TOM1L2: variants seen among roughly 807,000 people sequenced by gnomAD.
The protein encoded by TOM1L2 is TOM1-like protein 2.
A neutral mutation model predicts 67.9 loss-of-function variants in TOM1L2; 31 were observed. The observed-to-expected ratio is 0.46, with a 90% CI of 0.34 to 0.62. The LOEUF (loss-of-function observed/expected upper bound fraction) is 0.62, where lower values mean the gene tolerates loss of function less well. Among genes scored for constraint, TOM1L2 ranks in the 20% least tolerant of loss-of-function variants. The probability of loss-of-function intolerance (pLI) is 0.01; values close to 1 mark genes in which losing one functional copy is unlikely to be tolerated. For missense variants in TOM1L2, 606 were observed against 663.5 expected (o/e 0.91, Z 0.95); for synonymous variants, 256 against 254.0 (o/e 1.01, Z -0.07).
At chr17:17,860,563 A>G (rs2036501066) in intron 12 of TOM1L2, among the ~76,000 whole-genome samples, 2 of 152,220 alleles carry the variant, frequency 1.3e-5, no homozygotes, top group South Asian at 2.1e-4. Context: ...ATTGGGACCC[A>G]GTAAGCAAAC....
intron 1 of TOM1L2, among the ~76,000 whole-genome samples, chr17:17,910,585 T>C (rs1057165608): frequency 2.0e-5 from 3 of 152,124 alleles, no homozygotes; most frequent in African/African-American, 4.8e-5. Context: ...ATTATTTTTA[T>C]GTGAGACAGA....
intron 1 of TOM1L2, among the ~76,000 whole-genome samples, chr17:17,954,048 T>C (rs574207754): frequency 6.6e-6 from 1 of 152,206 alleles, no homozygotes; most frequent in African/African-American, 2.4e-5. Context: ...ATTAAATACA[T>C]ATAAGTTATA....
rs1032417435 is a variant in TOM1L2 at position 17,843,612 on chromosome 17, A to C, written c.*4023T>G. ...GCCAGTGGGGTGGATGGATGCTCTG[A>C]GCCTCGGGTGCACTGACCCACCCTC... On this transcript the variant is annotated 3_prime_UTR_variant, in exon 15 of 15. Coordinates refer to ENST00000379504, the MANE Select transcript of TOM1L2 (RefSeq NM_001082968.2). The C allele has an allele frequency of 6.6e-6, 1 of 152,322 alleles. No individual in the cohort carries two copies. Among genetic ancestry groups the C allele is most frequent in the Non-Finnish European group, 1.5e-5 (1 of 68,042 alleles). The allele number at this position is 152,322 out of a possible 1,614,324, so 9.4% of individuals were successfully genotyped here. A position where few individuals can be genotyped will look rare whatever the true frequency, so the allele number is the denominator to read the frequency against.
chr17:17,873,214 A>G (rs931206446), intron 7 of TOM1L2, among the ~76,000 whole-genome samples: 6 of 152,226 alleles, frequency 3.9e-5, no homozygotes, highest in Non-Finnish European at 8.8e-5. Context: ...ATTTTCAAAC[A>G]TACAGCAAAA....
At chr17:17,907,579 G>C (rs781401020) in intron 1 of TOM1L2, 48 bp from the exon 2 acceptor site, 3 of 1,572,824 alleles carry the variant, frequency 1.9e-6, no homozygotes, top group Non-Finnish European at 2.6e-6. Context: ...TGGAATAAGT[G>C]GGCCTTGGCA....
intron 3 of TOM1L2, among the ~76,000 whole-genome samples, chr17:17,897,726 A>G (rs2038642913): frequency 6.6e-6 from 1 of 152,174 alleles, no homozygotes; most frequent in African/African-American, 2.4e-5. Flanking sequence ...TTATGATGGC[A>G]ATCCACAGCT....
At chr17:17,963,004 G>A (rs991429016) in intron 1 of TOM1L2, among the ~76,000 whole-genome samples, 1 of 149,112 alleles carries the variant, frequency 6.7e-6, no homozygotes, top group African/African-American at 2.5e-5. Context: ...ATTTTATCAG[G>A]TTTTTTTTTT....
At chr17:17,887,923 C>T (rs1469324527) in intron 4 of TOM1L2, among the ~76,000 whole-genome samples, 1 of 152,286 alleles carries the variant, frequency 6.6e-6, no homozygotes, top group Middle Eastern at 3.4e-3. Flanking sequence ...GGAAAGATGG[C>T]CACTTAGGCT....
chr17:17,925,659 T>C (rs67253360), intron 1 of TOM1L2, among the ~76,000 whole-genome samples: 68,061 of 133,642 alleles, frequency 0.51, 17,412 homozygotes, highest in East Asian at 0.87. Flanking sequence ...CTGGCCAACA[T>C]AGCGACCTCA....
intron 1 of TOM1L2, among the ~76,000 whole-genome samples, chr17:17,910,203 C>G (rs912280182): frequency 6.6e-6 from 1 of 152,034 alleles, no homozygotes; most frequent in African/African-American, 2.4e-5. Flanking sequence ...TGACGGGAAA[C>G]CCGGGGCCCG....
chr17:17,960,620 G>A (rs956472896), intron 1 of TOM1L2, among the ~76,000 whole-genome samples: 1 of 152,200 alleles, frequency 6.6e-6, no homozygotes, highest in Non-Finnish European at 1.5e-5. Context: ...TTACAGGCAT[G>A]AGCCAGTGAG....
At chr17:17,930,764 T>C (rs571901296) in intron 1 of TOM1L2, among the ~76,000 whole-genome samples, 1 of 152,320 alleles carries the variant, frequency 6.6e-6, no homozygotes, top group Non-Finnish European at 1.5e-5. Flanking sequence ...AGAAATGTTT[T>C]ACCAAGAACC....
chr17:17,909,608 G>T (rs1288239383), intron 1 of TOM1L2, among the ~76,000 whole-genome samples: 1 of 147,298 alleles, frequency 6.8e-6, no homozygotes, highest in Admixed American at 6.8e-5. Flanking sequence ...GGGGGTGGGG[G>T]AATGGGGAGT....
chr17:17,954,201 A>C (rs1039936034), intron 1 of TOM1L2, among the ~76,000 whole-genome samples: 3 of 152,236 alleles, frequency 2.0e-5, no homozygotes, highest in African/African-American at 7.2e-5. Context: ...CTGAGCACAG[A>C]AAAGGAGGGA....
chr17:17,896,545 C>G (rs1330052813), intron 3 of TOM1L2, among the ~76,000 whole-genome samples: 1 of 152,176 alleles, frequency 6.6e-6, no homozygotes, highest in Admixed American at 6.5e-5. Flanking sequence ...ACAGAGCAGC[C>G]CCAAAGCCTA....
chr17:17,897,349 T>C (rs1264622489), intron 3 of TOM1L2, among the ~76,000 whole-genome samples: 4 of 152,236 alleles, frequency 2.6e-5, no homozygotes, highest in South Asian at 4.1e-4. Context: ...CCCAATTCCC[T>C]GGCAGAACTC....
intron 1 of TOM1L2, among the ~76,000 whole-genome samples, chr17:17,955,706 G>T (rs1167564108): frequency 6.6e-6 from 1 of 152,142 alleles, no homozygotes; most frequent in Non-Finnish European, 1.5e-5. Context: ...GTCCAGAATT[G>T]GTGGGTTCTT....
chr17:17,883,965 C>A (rs1490200581), intron 5 of TOM1L2, among the ~76,000 whole-genome samples: 1 of 152,084 alleles, frequency 6.6e-6, no homozygotes, highest in South Asian at 2.1e-4. Context: ...TGATTCCCAG[C>A]CAGTAGAGGG....
At chr17:17,853,027 A>G (rs2036072439) in intron 12 of TOM1L2, among the ~76,000 whole-genome samples, 1 of 152,280 alleles carries the variant, frequency 6.6e-6, no homozygotes, top group African/African-American at 2.4e-5. Context: ...TAAGGCTGGC[A>G]CTTCCTTGCC....
Sources: gnomAD v4.1 joint callset for allele counts (sites outside exome capture counted in the v4.1 genomes callset) on GRCh38, gnomAD v4.1.1 for gene constraint, MANE v1.5 for transcripts, NCBI Gene and HGNC (gene_info 2026-07-23, HGNC 2026-07-21) for gene names.